DDX46: variants seen among roughly 807,000 people sequenced by gnomAD.
The protein encoded by DDX46 is DEAD-box helicase 46, also known as probable ATP-dependent RNA helicase DDX46.
DDX46 carries 30 observed loss-of-function variants against 134.9 expected under a neutral mutation model. The ratio of observed to expected loss-of-function variants is 0.22; its 90% CI spans 0.17 to 0.30. The LOEUF (loss-of-function observed/expected upper bound fraction) is 0.30, where lower values mean the gene tolerates loss of function less well. DDX46 is among the 10% of genes least tolerant of loss of function. The pLI is 1.00. For synonymous variants in DDX46, 415 were observed against 404.1 expected (o/e 1.03, Z -0.32); for missense variants, 622 against 1,248.7 (o/e 0.50, Z 7.56).
intron 15 of DDX46, among the ~76,000 whole-genome samples, chr5:134,797,976 C>G (rs1221598129): frequency 6.6e-6 from 1 of 151,990 alleles, no homozygotes; most frequent in Non-Finnish European, 1.5e-5. Flanking sequence ...CCATGCCTGG[C>G]TAATTTTGTA....
chr5:134,809,789 A>G (rs1050012896), intron 16 of DDX46, among the ~76,000 whole-genome samples: 4 of 152,028 alleles, frequency 2.6e-5, no homozygotes, highest in Non-Finnish European at 4.4e-5. Context: ...CGGGCGGATC[A>G]CCTGAGGTTG....
rs57416807 is a variant in DDX46 at position 134,830,169 on chromosome 5, G to GAAAAAAAAAAAAA, written c.*1466_*1478dup. 2 of 55,206 alleles carry GAAAAAAAAAAAAA rather than the reference G, an allele frequency of 3.6e-5. No individual in the cohort carries two copies. Among genetic ancestry groups the GAAAAAAAAAAAAA allele is most frequent in the African/African-American group, 5.3e-5 (1 of 18,708 alleles). 3.4% of individuals were successfully genotyped at this position (55,206 alleles called of 1,614,324 possible). The stretch of plus-strand genomic sequence containing the variant: ...TTAAACCAACCACAGATCAAAAATA[G>GAAAAAAAAAAAAA]AAAAAAAAAAAAAAAGAAAAAAAGA... On this transcript the variant is annotated 3_prime_UTR_variant, in exon 23 of 23. Transcript: ENST00000452510.
intron 1 of DDX46, 38 bp downstream of exon 1, chr5:134,758,993 C>T (rs757766822): frequency 1.7e-5 from 27 of 1,605,372 alleles, no homozygotes; most frequent in Non-Finnish European, 2.2e-5. Context: ...GGGCGAGCGG[C>T]TTCTTGGGGT....
Position 134,829,732 on chromosome 5 carries a change from G to T in DDX46, c.*1026G>T, listed in dbSNP as rs1755684307. 6.6e-6 allele frequency: 1 copy of T among 152,052 alleles called. No individual in the cohort carries two copies. Among genetic ancestry groups the T allele is most frequent in the Non-Finnish European group, 1.5e-5 (1 of 68,014 alleles). The allele number at this position is 152,052 out of a possible 1,614,324, so 9.4% of individuals were successfully genotyped here. A position where few individuals can be genotyped will look rare whatever the true frequency, so the allele number is the denominator to read the frequency against. On this transcript the variant is annotated 3_prime_UTR_variant, in exon 23 of 23. Transcript: ENST00000452510. ...CCAGCAATTTGGGAGGCCGAGGTGG[G>T]CAGATCACTTGAGGTCAGGAGTTCA...
At chr5:134,776,258 C>T (rs558684344) in intron 5 of DDX46, among the ~76,000 whole-genome samples, 9 of 151,880 alleles carry the variant, frequency 5.9e-5, no homozygotes, top group South Asian at 4.2e-4. Context: ...GGTGTGGTGG[C>T]GCACACCTGT....
At chr5:134,817,349 A>G in intron 19 of DDX46, 147 bp from the exon 20 acceptor site, 1 of 714,348 alleles carries the variant, frequency 1.4e-6, no homozygotes, top group South Asian at 2.1e-5. Context: ...GCTAAATCAC[A>G]CATATCAATG....
chr5:134,767,858 G>C (rs1753625929), intron 3 of DDX46, among the ~76,000 whole-genome samples: 1 of 151,462 alleles, frequency 6.6e-6, no homozygotes, highest in South Asian at 2.1e-4. Context: ...GCTGAGGCCG[G>C]AGAATCGCTT....
At chr5:134,784,829 T>G in intron 10 of DDX46, 1 of 188,150 alleles carries the variant, frequency 5.3e-6, no homozygotes, top group Non-Finnish European at 1.1e-5. Context: ...TCTGTTTATT[T>G]ATATTGAGGT....
chr5:134,796,486 AG>A (rs1466828257), intron 15 of DDX46, among the ~76,000 whole-genome samples: 1 of 152,252 alleles, frequency 6.6e-6, no homozygotes, highest in Non-Finnish European at 1.5e-5. Flanking sequence ...GAAATTTCAA[AG>A]TAACGTTTTA....
chr5:134,827,161 C>A (rs1755612730), intron 22 of DDX46, 141 bp downstream of exon 22: 4 of 712,938 alleles, frequency 5.6e-6, no homozygotes, highest in South Asian at 2.4e-5. Flanking sequence ...GTAGTCACTA[C>A]CCAGATCAAG....
chr5:134,827,849 C>T (rs1171917451), intron 22 of DDX46, among the ~76,000 whole-genome samples: 5 of 151,996 alleles, frequency 3.3e-5, no homozygotes, highest in South Asian at 2.1e-4. Flanking sequence ...ATTCCATGTG[C>T]GTTTGGTATA....
chr5:134,823,431 G>A (rs1430392587), intron 21 of DDX46, among the ~76,000 whole-genome samples: 3 of 152,082 alleles, frequency 2.0e-5, no homozygotes, highest in Non-Finnish European at 4.4e-5. Context: ...GAGCCACCAC[G>A]CCCGGCAAAT....
chr5:134,807,066 T>TC (rs549076462), intron 15 of DDX46, among the ~76,000 whole-genome samples: 230 of 152,028 alleles, frequency 1.5e-3, no homozygotes, highest in Admixed American at 3.7e-3. Flanking sequence ...TTTTTTTTTT[T>TC]TCCCCGAGAC....
chr5:134,767,676 C>T (rs894081005), intron 3 of DDX46, among the ~76,000 whole-genome samples: 2 of 151,564 alleles, frequency 1.3e-5, no homozygotes, highest in African/African-American at 4.8e-5. Context: ...TTAGGCCAGG[C>T]GCGGTGGCTG....
intron 15 of DDX46, chr5:134,804,686 G>C (rs962543327): frequency 4.9e-6 from 1 of 205,274 alleles, no homozygotes; most frequent in Non-Finnish European, 1.0e-5. Flanking sequence ...TTCCGGAAAA[G>C]TCATTTTTCA....
chr5:134,815,240 A>G (rs1026165306), intron 18 of DDX46, among the ~76,000 whole-genome samples: 2 of 152,218 alleles, frequency 1.3e-5, no homozygotes, highest in African/African-American at 2.4e-5. Flanking sequence ...ATTGTAGTAA[A>G]AGAGCTTTGT....
At chr5:134,792,265 C>T (rs912512117) in intron 13 of DDX46, among the ~76,000 whole-genome samples, 21 of 152,112 alleles carry the variant, frequency 1.4e-4, no homozygotes, top group African/African-American at 4.8e-4. Context: ...GAACAAGTGT[C>T]ACATGAAAGC....
intron 14 of DDX46, among the ~76,000 whole-genome samples, 191 bp downstream of exon 14, chr5:134,795,205 T>G (rs1754615755): frequency 8.5e-6 from 1 of 118,232 alleles, no homozygotes; most frequent in Admixed American, 7.8e-5. Flanking sequence ...AAAATGCTTG[T>G]TTTTTTTTTT....
intron 18 of DDX46, among the ~76,000 whole-genome samples, chr5:134,814,012 A>G (rs1755220442): frequency 6.6e-6 from 1 of 152,154 alleles, no homozygotes; most frequent in Non-Finnish European, 1.5e-5. Context: ...TGTTTTAAAA[A>G]CATCTGTCAC....
Sources: gnomAD v4.1 joint callset for allele counts (sites outside exome capture counted in the v4.1 genomes callset) on GRCh38, gnomAD v4.1.1 for gene constraint, MANE v1.5 for transcripts, NCBI Gene and HGNC (gene_info 2026-07-23, HGNC 2026-07-21) for gene names.